ZNF267: variants seen among roughly 807,000 people sequenced by gnomAD.
ZNF267 encodes the protein zinc finger protein 267, also known as zinc finger (C2H2).
In ZNF267, 61 loss-of-function variants were observed where a neutral mutation model predicts 71.6. The observed-to-expected ratio is 0.85, with a 90% CI of 0.69 to 1.05. The LOEUF (loss-of-function observed/expected upper bound fraction) is 1.05, where lower values mean the gene tolerates loss of function less well. Ranked by LOEUF, ZNF267 falls within the 50% of genes least tolerant of loss-of-function variation. The pLI, the probability that ZNF267 is intolerant of heterozygous loss-of-function variation, is 0.00. For missense variants in ZNF267, 852 were observed against 870.0 expected (o/e 0.98, Z 0.26); for synonymous variants, 288 against 293.2 (o/e 0.98, Z 0.18).
intron 3 of ZNF267, among the ~76,000 whole-genome samples, chr16:31,900,390 G>A (rs2084030262): frequency 6.6e-6 from 1 of 152,048 alleles, no homozygotes; most frequent in African/African-American, 2.4e-5. Context: ...AGCATTTCTT[G>A]TATGACAGGT....
Position 31,915,249 on chromosome 16 carries a change from A to G in ZNF267, c.1000A>G (p.Ser334Gly). The part of the protein sequence containing the change: ...CEKCGDSLNH[S>G]LHLTQHQIIP... ...AAAATGTGGGGATAGCTTAAACCAT[A>G]GTTTGCACCTTACTCAACATCAGAT... Residue 334 changes from serine to glycine, a missense_variant, in exon 4 of 4, where the codon AGT (serine) becomes GGT (glycine). Ser to Gly is a moderately conservative substitution (Grantham distance 56). Coordinates refer to ENST00000300870, the MANE Select transcript of ZNF267 (RefSeq NM_003414.6). 1 of 1,614,010 alleles carries G rather than the reference A, an allele frequency of 6.2e-7. No individual in the cohort carries two copies. Among genetic ancestry groups the G allele is most frequent in the Non-Finnish European group, 8.5e-7 (1 of 1,179,960 alleles).
intron 3 of ZNF267, among the ~76,000 whole-genome samples, chr16:31,904,350 T>G (rs1281188568): frequency 6.6e-6 from 1 of 152,250 alleles, no homozygotes; most frequent in Non-Finnish European, 1.5e-5. Context: ...CTTGTTAACT[T>G]TCTGTCCTGT....
intron 3 of ZNF267, among the ~76,000 whole-genome samples, chr16:31,896,779 A>G (rs939167195): frequency 6.6e-6 from 1 of 151,834 alleles, no homozygotes; most frequent in African/African-American, 2.4e-5. Flanking sequence ...GTTCCATATA[A>G]ATTTAGAATT....
intron 3 of ZNF267, among the ~76,000 whole-genome samples, chr16:31,887,787 T>C (rs1310109266): frequency 6.6e-6 from 1 of 152,150 alleles, no homozygotes; most frequent in African/African-American, 2.4e-5. Context: ...TATAGCTGTG[T>C]AATAGTTTGA....
intron 1 of ZNF267, among the ~76,000 whole-genome samples, chr16:31,877,206 G>T (rs2083858475): frequency 6.6e-6 from 1 of 151,840 alleles, no homozygotes; most frequent in Non-Finnish European, 1.5e-5. Context: ...CTACCACTGT[G>T]TTCCCCCAGA....
chr16:31,885,088 C>A, intron 2 of ZNF267, 73 bp from the exon 3 acceptor site: 1 of 1,282,382 alleles, frequency 7.8e-7, no homozygotes, highest in Non-Finnish European at 1.0e-6. Context: ...CCTGTGGGGC[C>A]AAAAAAAAGT....
At chr16:31,907,808 G>A (rs140439597) in intron 3 of ZNF267, among the ~76,000 whole-genome samples, 2,114 of 152,004 alleles carry the variant, frequency 0.014, 57 homozygotes, top group African/African-American at 0.048. Flanking sequence ...AGGCCGAGGC[G>A]GGTGGATCAC....
intron 3 of ZNF267, among the ~76,000 whole-genome samples, chr16:31,896,555 T>G (rs1420547255): frequency 6.6e-6 from 1 of 152,212 alleles, no homozygotes; most frequent in East Asian, 1.9e-4. Context: ...TTCCCCAAAG[T>G]GTATTCTTGG....
chr16:31,905,496 T>C (rs1733018589), intron 3 of ZNF267, among the ~76,000 whole-genome samples: 1 of 152,188 alleles, frequency 6.6e-6, no homozygotes, highest in Non-Finnish European at 1.5e-5. Flanking sequence ...TTTTTATTCT[T>C]TTTTCTCTAA....
chr16:31,874,632 A>G (rs1001926750), intron 1 of ZNF267, among the ~76,000 whole-genome samples: 2 of 152,194 alleles, frequency 1.3e-5, no homozygotes, highest in Non-Finnish European at 2.9e-5. Context: ...CAAGAAAAGC[A>G]TTTGAGTTTG....
intron 3 of ZNF267, chr16:31,912,785 T>C (rs1175561139): frequency 6.6e-6 from 1 of 151,806 alleles, no homozygotes; most frequent in Non-Finnish European, 1.5e-5. Context: ...CTGATCAGTT[T>C]TGCTATTAAG....
Position 31,916,936 on chromosome 16 carries a change from A to G in ZNF267, c.*455A>G, listed in dbSNP as rs1358328166. On this transcript the variant is annotated 3_prime_UTR_variant, in exon 4 of 4. Transcript: ENST00000300870. The stretch of plus-strand genomic sequence containing the variant: ...TAAATAAGAGTATTTTTTGTACAGA[A>G]TAATCTAAAGGCAAAATAATTAGAT... The G allele has an allele frequency of 6.4e-6, 1 of 156,974 alleles. No individual in the cohort carries two copies. Among genetic ancestry groups the G allele is most frequent in the Non-Finnish European group, 1.4e-5 (1 of 70,888 alleles). The allele number at this position is 156,974 out of a possible 1,614,324, so 9.7% of individuals were successfully genotyped here.
rs561815750 is a variant in ZNF267, at chr16:31,914,708, T to C, written c.459T>C (p.Leu153=). Residue 153 remains leucine, a synonymous_variant, in exon 4 of 4, where the codon CTT becomes CTC. Coordinates refer to ENST00000300870, the MANE Select transcript of ZNF267 (RefSeq NM_003414.6). ...SVESLFHQQI[L]SSCAKSYNFD... ...AAAGTTTGTTTCACCAGCAAATACT[T>C]TCTTCTTGTGCCAAAAGCTATAACT... The C allele has an allele frequency of 3.7e-6, 6 of 1,614,044 alleles. No individual in the cohort carries two copies. The highest frequency in any genetic ancestry group is 2.7e-5 in the African/African-American group (2 of 74,940).
intron 1 of ZNF267, among the ~76,000 whole-genome samples, chr16:31,878,576 A>G (rs1007363012): frequency 6.6e-6 from 1 of 151,950 alleles, no homozygotes; most frequent in Non-Finnish European, 1.5e-5. Flanking sequence ...TTCTCCATCA[A>G]CCTAGGCTTG....
chr16:31,897,445 A>C (rs764678804), intron 3 of ZNF267, among the ~76,000 whole-genome samples: 14 of 152,108 alleles, frequency 9.2e-5, no homozygotes, highest in Non-Finnish European at 1.8e-4. Context: ...TGGGCTCTCT[A>C]ATCTTTACAT....
Position 31,873,983 on chromosome 16 carries a change from G to A in ZNF267, c.3+14G>A. 6.2e-7 allele frequency: 1 copy of A among 1,611,924 alleles called. No homozygotes were observed. The highest frequency in any genetic ancestry group is 8.5e-7 in the Non-Finnish European group (1 of 1,178,478). On this transcript the variant is annotated intron_variant, in intron 1 of 3. Coordinates refer to ENST00000300870, the MANE Select transcript of ZNF267 (RefSeq NM_003414.6). ...AGCTGGGAAATGGTGAGTGTGCGGG[G>A]TCGGGGGTCCCCAGAGGGAGGGAGG... is the stretch of plus-strand genomic sequence containing the variant.
In ZNF267 at chr16:31,914,798, T is replaced by G; in HGVS notation, c.549T>G (p.Ile183Met). 4 of 1,613,078 alleles carry G rather than the reference T, an allele frequency of 2.5e-6. No individual in the cohort carries two copies. In the South Asian group the frequency reaches 4.4e-5, roughly 18 times the overall value. Reference protein sequence around the residue: ...SLLNQQEEIDIWGKHHIYDKT... With the variant: ...SLLNQQEEIDMWGKHHIYDKT... ...TTAATCAACAAGAGGAAATAGATAT[T>G]TGGGGAAAACATCACATATATGATA... Residue 183 changes from isoleucine to methionine, a missense_variant, in exon 4 of 4, where the codon ATT (isoleucine) becomes ATG (methionine). Transcript: ENST00000300870.
chr16:31,914,590 G>A lies in ZNF267; in HGVS notation c.341G>A (p.Arg114Lys), dbSNP rs2084158828. 1 of 1,613,974 alleles carries A rather than the reference G, an allele frequency of 6.2e-7. No individual in the cohort carries two copies. Among genetic ancestry groups the A allele is most frequent in the African/African-American group, 1.3e-5 (1 of 74,926 alleles). The change falls in exon 4 of 4, where the codon AGA becomes AAA. Residue 114 changes from arginine (R) to lysine (K), a missense_variant. Transcript: ENST00000300870. Reference sequence around the variant, plus strand: ...TGTGATCTTGAGAATTTACATTTAAGAAAAAGGTGGAAAAGGGAGGAGTGT... The same window carrying A: ...TGTGATCTTGAGAATTTACATTTAAAAAAAAGGTGGAAAAGGGAGGAGTGT... ...GSCDLENLHL[R>K]KRWKREECEG... is the part of the protein sequence containing the mutation.
At chr16:31,881,608 C>T (rs1262392990) in intron 1 of ZNF267, among the ~76,000 whole-genome samples, 1 of 151,746 alleles carries the variant, frequency 6.6e-6, no homozygotes, top group Non-Finnish European at 1.5e-5. Flanking sequence ...AGTTGCTTCA[C>T]AAGTTGTCAC....
Sources: gnomAD v4.1 joint callset for allele counts (sites outside exome capture counted in the v4.1 genomes callset) on GRCh38, gnomAD v4.1.1 for gene constraint, MANE v1.5 for transcripts, NCBI Gene and HGNC (gene_info 2026-07-23, HGNC 2026-07-21) for gene names.